The following SLC35D1 variants were observed in gnomAD, a reference collection of about 807,000 sequenced individuals.
The protein encoded by SLC35D1 is solute carrier family 35 member D1, also known as nucleotide sugar transporter SLC35D1.
A neutral mutation model predicts 46.7 loss-of-function variants in SLC35D1; 31 were observed. The ratio of observed to expected loss-of-function variants is 0.66; its 90% CI spans 0.50 to 0.90. The LOEUF is 0.90. SLC35D1 is among the 40% of genes least tolerant of loss of function. The pLI, the probability that SLC35D1 is intolerant of heterozygous loss-of-function variation, is 0.00. For missense variants in SLC35D1, 397 were observed against 426.2 expected (o/e 0.93, Z 0.60); for synonymous variants, 195 against 164.6 (o/e 1.18, Z -1.41).
chr1:66,986,443 C>A, the SLC35D1 span: 1 of 1,612,374 alleles, frequency 6.2e-7, no homozygotes, highest in Non-Finnish European at 8.5e-7. Context: ...TTTCAGCCAT[C>A]AGTTCAAGAG....
intron 7 of SLC35D1, among the ~76,000 whole-genome samples, chr1:67,043,195 CA>C (rs55933027): frequency 3.5e-5 from 5 of 142,446 alleles, no homozygotes; most frequent in Non-Finnish European, 4.6e-5. Flanking sequence ...CACTCCATCT[CA>C]AAAAAAAAAA....
the SLC35D1 span, chr1:66,986,409 T>A: frequency 2.2e-5 from 35 of 1,612,996 alleles, no homozygotes; most frequent in East Asian, 6.0e-4. Context: ...ACAGGCATAC[T>A]CCAAATGCTT....
chr1:67,035,805 CTTTTTT>C (rs71058492), intron 8 of SLC35D1, among the ~76,000 whole-genome samples: 2 of 133,388 alleles, frequency 1.5e-5, no homozygotes, highest in East Asian at 2.1e-4. Flanking sequence ...TGAAGTTTTT[CTTTTTT>C]TTTTTTTTTT....
chr1:66,991,057 C>A, the SLC35D1 span, among the ~76,000 whole-genome samples: 1 of 152,180 alleles, frequency 6.6e-6, no homozygotes, highest in Non-Finnish European at 1.5e-5. Context: ...TTTGGGGATA[C>A]ATCCTGAGTT....
At chr1:67,011,584 G>A (rs1318367966) in intron 10 of SLC35D1, among the ~76,000 whole-genome samples, 1 of 152,164 alleles carries the variant, frequency 6.6e-6, no homozygotes, top group African/African-American at 2.4e-5. Flanking sequence ...CTAGGCTCAA[G>A]CAATCCTCCC....
At chr1:66,984,610 G>C in the SLC35D1 span, 1 of 1,608,902 alleles carries the variant, frequency 6.2e-7, no homozygotes, top group Non-Finnish European at 8.5e-7. Context: ...ATTAAACAAA[G>C]AGGAAGTAAA....
intron 8 of SLC35D1, among the ~76,000 whole-genome samples, chr1:67,040,601 T>C (rs894993718): frequency 6.6e-6 from 1 of 152,186 alleles, no homozygotes; most frequent in African/African-American, 2.4e-5. Flanking sequence ...CTGTTAGTTC[T>C]ATCTGGAATG....
At chr1:67,011,413 G>C (rs919125178) in intron 10 of SLC35D1, among the ~76,000 whole-genome samples, 3 of 152,146 alleles carry the variant, frequency 2.0e-5, no homozygotes, top group African/African-American at 7.2e-5. Flanking sequence ...CCAGGCTCCA[G>C]ACCTCTTTCT....
chr1:66,980,072 G>A, the SLC35D1 span, among the ~76,000 whole-genome samples: 9 of 152,038 alleles, frequency 5.9e-5, no homozygotes, highest in African/African-American at 2.2e-4. Flanking sequence ...CCTTGCTTTG[G>A]CTTTTAACTT....
intron 8 of SLC35D1, among the ~76,000 whole-genome samples, chr1:67,024,037 T>C (rs566120350): frequency 1.3e-5 from 2 of 151,702 alleles, no homozygotes; most frequent in African/African-American, 4.8e-5. Context: ...CTCCGTCTCC[T>C]GGGTTCAAGT....
At chr1:67,051,421 A>G (rs1645306809) in intron 4 of SLC35D1, among the ~76,000 whole-genome samples, 1 of 152,232 alleles carries the variant, frequency 6.6e-6, no homozygotes, top group South Asian at 2.1e-4. Flanking sequence ...TAAGAGCAGA[A>G]GCCAGAAACC....
the SLC35D1 span, chr1:66,986,151 CT>C: frequency 1.7e-6 from 2 of 1,174,394 alleles, no homozygotes; most frequent in Non-Finnish European, 1.1e-6. Flanking sequence ...AGTTTGAAAA[CT>C]TTTCAAACTT....
At position 67,047,271 on chromosome 1, in the gene SLC35D1, A is replaced by G. The variant is rs1248388889; in HGVS notation, c.630T>C (p.Asp210=). 2 of 1,612,102 alleles carry G rather than the reference A, an allele frequency of 1.2e-6. No individual in the cohort carries two copies. The highest frequency in any genetic ancestry group is 1.7e-6 in the Non-Finnish European group (2 of 1,178,936). The change falls in exon 7 of 12, where the codon GAT becomes GAC. Residue 210 remains aspartate, a synonymous_variant. Transcript: ENST00000235345. Reference sequence around the variant, plus strand: ...GCTTTAGATTGCTACTTACTTTTGAATCTAATTTTTGTTTTACGTATGCAC... The same window carrying G: ...GCTTTAGATTGCTACTTACTTTTGAGTCTAATTTTTGTTTTACGTATGCAC... ...ANGAYVKQKL[D]SKELGKYGLL...
the SLC35D1 span, among the ~76,000 whole-genome samples, chr1:66,975,990 T>TTG: frequency 2.7e-3 from 410 of 151,754 alleles, no homozygotes; most frequent in East Asian, 6.0e-3. Context: ...GGCCTTTTTT[T>TTG]TGTGTGTGTG....
At chr1:66,982,322 G>GAA in the SLC35D1 span, among the ~76,000 whole-genome samples, 1 of 152,024 alleles carries the variant, frequency 6.6e-6, no homozygotes, top group African/African-American at 2.4e-5. Context: ...GCACTGTTTT[G>GAA]AATATTTAAG....
At chr1:67,048,919 G>C (rs753931003) in intron 6 of SLC35D1, among the ~76,000 whole-genome samples, 2 of 152,060 alleles carry the variant, frequency 1.3e-5, no homozygotes, top group Non-Finnish European at 2.9e-5. Flanking sequence ...TTCATTATTC[G>C]AAAAGGCAAG....
the SLC35D1 span, chr1:66,984,855 A>G: frequency 1.9e-6 from 3 of 1,605,306 alleles, no homozygotes. Context: ...TCCAAGAAGC[A>G]GTCTCACATG....
intron 8 of SLC35D1, among the ~76,000 whole-genome samples, chr1:67,030,229 A>G (rs1004460814): frequency 1.3e-5 from 2 of 152,226 alleles, no homozygotes; most frequent in Non-Finnish European, 2.9e-5. Context: ...GGCTTCTTCC[A>G]GTTGTGACAG....
chr1:66,983,088 A>G, the SLC35D1 span, among the ~76,000 whole-genome samples: 190 of 152,364 alleles, frequency 1.2e-3, 1 homozygote, highest in Middle Eastern at 6.8e-3. Flanking sequence ...GAAAGTGTTC[A>G]TAAGTTACTT....
Sources: allele counts gnomAD v4.1 joint callset (sites outside exome capture counted in the v4.1 genomes callset), GRCh38; gene constraint gnomAD v4.1.1; transcripts MANE v1.5; gene names NCBI Gene and HGNC (gene_info 2026-07-23, HGNC 2026-07-21).